The following CPA6 variants were observed in gnomAD, a reference collection of about 807,000 sequenced individuals.
The protein encoded by CPA6 is carboxypeptidase B.
CPA6 carries 58 observed loss-of-function variants against 63.3 expected under a neutral mutation model. The observed-to-expected ratio is 0.92, with a 90% confidence interval of 0.74 to 1.14. CPA6 has a LOEUF of 1.14. Among genes scored for constraint, CPA6 ranks in the 50% most tolerant of loss-of-function variants. The pLI is 0.00. For synonymous variants in CPA6, 185 were observed against 179.0 expected (o/e 1.03, Z -0.27); for missense variants, 565 against 526.6 (o/e 1.07, Z -0.71).
intron 4 of CPA6, among the ~76,000 whole-genome samples, chr8:67,510,325 G>GA (rs1481291117): frequency 1.1e-4 from 16 of 152,068 alleles, no homozygotes; most frequent in Non-Finnish European, 2.1e-4. Flanking sequence ...GATCAGTGCT[G>GA]AAAAAATAGC....
At chr8:67,511,731 A>G in intron 3 of CPA6, 76 bp from the exon 4 acceptor site, 1 of 796,370 alleles carries the variant, frequency 1.3e-6, no homozygotes, top group South Asian at 1.4e-5. Context: ...AGAAAAAATC[A>G]TATGCATCTA....
chr8:67,529,688 A>G (rs910906035), intron 2 of CPA6, among the ~76,000 whole-genome samples: 1 of 152,182 alleles, frequency 6.6e-6, no homozygotes, highest in Non-Finnish European at 1.5e-5. Flanking sequence ...TACTTTTCTC[A>G]CCCAAAGCAA....
chr8:67,602,416 T>C (rs919709878), intron 2 of CPA6, among the ~76,000 whole-genome samples: 8 of 152,192 alleles, frequency 5.3e-5, no homozygotes, highest in Admixed American at 2.0e-4. Context: ...ATCAATGCAT[T>C]GTTACCTATT....
At chr8:67,621,100 G>T (rs72657254) in intron 2 of CPA6, among the ~76,000 whole-genome samples, 8,772 of 152,194 alleles carry the variant, frequency 0.058, 339 homozygotes, top group Middle Eastern at 0.14. Flanking sequence ...GAATTTCCCT[G>T]GTAGACAACA....
At chr8:67,739,217 A>G (rs1817869145) in intron 1 of CPA6, among the ~76,000 whole-genome samples, 1 of 152,226 alleles carries the variant, frequency 6.6e-6, no homozygotes, top group African/African-American at 2.4e-5. Context: ...TCAGAGGGGT[A>G]GAGGACTGCA....
intron 1 of CPA6, among the ~76,000 whole-genome samples, chr8:67,664,263 G>C (rs1231093982): frequency 6.6e-6 from 1 of 152,196 alleles, no homozygotes; most frequent in African/African-American, 2.4e-5. Context: ...GGGTCACCCA[G>C]ATCTACCCCT....
chr8:67,500,951 T>TTAA (rs1175654172), intron 6 of CPA6, among the ~76,000 whole-genome samples: 1 of 152,080 alleles, frequency 6.6e-6, no homozygotes, highest in Non-Finnish European at 1.5e-5. Flanking sequence ...CCACACACTC[T>TTAA]TAATTATTGT....
intron 2 of CPA6, among the ~76,000 whole-genome samples, chr8:67,610,888 C>T (rs1431469453): frequency 6.6e-6 from 1 of 151,686 alleles, no homozygotes; most frequent in Admixed American, 6.6e-5. Context: ...TAATTTTTTT[C>T]AATCTATAAA....
At chr8:67,593,852 G>T (rs1587611246) in intron 2 of CPA6, among the ~76,000 whole-genome samples, 1 of 148,910 alleles carries the variant, frequency 6.7e-6, no homozygotes, top group East Asian at 2.0e-4. Flanking sequence ...GCCAGTCTGT[G>T]TCTTTTAATT....
chr8:67,528,875 T>C (rs1812420280), intron 2 of CPA6, among the ~76,000 whole-genome samples: 1 of 151,966 alleles, frequency 6.6e-6, no homozygotes, highest in African/African-American at 2.4e-5. Flanking sequence ...TTAAGATATG[T>C]AGATCTTAAT....
Position 67,467,666 on chromosome 8 carries a change from A to G in CPA6, c.838+16102T>C, listed in dbSNP as rs563297403. 2.1e-4 allele frequency among the ~76,000 whole-genome samples: 32 copies of G among 152,140 alleles called. 1 individual carries two copies. Among genetic ancestry groups the G allele is most frequent in the South Asian group, 6.2e-4 (3 of 4,816 alleles). On this transcript the variant is annotated intron_variant, in intron 8 of 10. Coordinates refer to ENST00000297770, the MANE Select transcript of CPA6 (RefSeq NM_020361.5). ...TTTCCTAACCAGTCCTTTGGTTGAC[A>G]CTGTTGATACTCAAGGATCAGTTGT...
chr8:67,585,788 C>G (rs1012370230), intron 2 of CPA6, among the ~76,000 whole-genome samples: 1 of 152,038 alleles, frequency 6.6e-6, no homozygotes, highest in African/African-American at 2.4e-5. Context: ...GTCCTATAAG[C>G]ATAATAGTGA....
In CPA6 at chr8:67,706,118, T is replaced by A. The variant is rs141295416; in HGVS notation, c.116+39896A>T. Reference sequence around the variant, plus strand: ...GTCATAAAAAGATTCATGAAAGGAATTTATGAAAAAACGTTATACAATTTT... The same window carrying A: ...GTCATAAAAAGATTCATGAAAGGAAATTATGAAAAAACGTTATACAATTTT... On this transcript the variant is annotated intron_variant, in intron 1 of 10. Coordinates refer to ENST00000297770, the MANE Select transcript of CPA6 (RefSeq NM_020361.5). Among the ~76,000 whole-genome samples the A allele has an allele frequency of 2.0e-3, 301 of 152,264 alleles. 3 individuals carry two copies. Among genetic ancestry groups the A allele is most frequent in the South Asian group, 0.012 (56 of 4,822 alleles).
chr8:67,694,757 C>T (rs1324469545), intron 1 of CPA6, among the ~76,000 whole-genome samples: 4 of 152,198 alleles, frequency 2.6e-5, no homozygotes, highest in Non-Finnish European at 5.9e-5. Context: ...TGGACAGCTG[C>T]AGCGCTACAG....
chr8:67,698,218 G>A (rs529325444), intron 1 of CPA6, among the ~76,000 whole-genome samples: 16 of 152,220 alleles, frequency 1.1e-4, no homozygotes, highest in African/African-American at 3.4e-4. Context: ...TCCAGATGGG[G>A]GTTCTTATAC....
intron 8 of CPA6, among the ~76,000 whole-genome samples, chr8:67,444,895 G>C (rs924074845): frequency 1.3e-5 from 2 of 152,176 alleles, no homozygotes; most frequent in African/African-American, 4.8e-5. Flanking sequence ...GGAAGGAATT[G>C]TCAGGAAAGT....
At chr8:67,662,860 A>AC (rs1179283015) in intron 1 of CPA6, among the ~76,000 whole-genome samples, 2 of 152,150 alleles carry the variant, frequency 1.3e-5, no homozygotes, top group Non-Finnish European at 2.9e-5. Context: ...TCCCCTACTA[A>AC]CCCTCTGAAC....
chr8:67,515,412 T>C (rs2128966325), intron 3 of CPA6, among the ~76,000 whole-genome samples: 1 of 152,310 alleles, frequency 6.6e-6, no homozygotes, highest in Middle Eastern at 3.4e-3. Flanking sequence ...GGAACTCTCT[T>C]TTCTCATATT....
At chr8:67,719,579 A>C (rs1817452066) in intron 1 of CPA6, among the ~76,000 whole-genome samples, 2 of 152,304 alleles carry the variant, frequency 1.3e-5, no homozygotes, top group East Asian at 1.9e-4. Flanking sequence ...ACATAACAAA[A>C]AGGCACTTTC....
Sources: allele counts gnomAD v4.1 joint callset (sites outside exome capture counted in the v4.1 genomes callset), GRCh38; gene constraint gnomAD v4.1.1; transcripts MANE v1.5; gene names NCBI Gene and HGNC (gene_info 2026-07-23, HGNC 2026-07-21).